PRRC2A: variants seen among roughly 807,000 people sequenced by gnomAD.
The protein encoded by PRRC2A is proline rich coiled-coil 2A.
In PRRC2A, 59 loss-of-function variants were observed where a neutral mutation model predicts 224.6. The observed-to-expected ratio is 0.26, with a 90% confidence interval of 0.21 to 0.33. The LOEUF (loss-of-function observed/expected upper bound fraction) is 0.33, where lower values mean the gene tolerates loss of function less well. Among genes scored for constraint, PRRC2A ranks in the 10% least tolerant of loss-of-function variants. The probability of loss-of-function intolerance (pLI) is 1.00; values close to 1 mark genes in which losing one functional copy is unlikely to be tolerated. For missense variants in PRRC2A, 3,095 were observed against 2,880.7 expected, an observed-to-expected ratio of 1.07 and a Z score of -1.70; for synonymous variants, 1,194 against 1,109.5, an observed-to-expected ratio of 1.08 and a Z score of -1.51.
chr6:31,620,924 T>C (rs1001254386), intron 1 of PRRC2A, 66 bp downstream of exon 1: 40 of 155,922 alleles, frequency 2.6e-4, no homozygotes, highest in Non-Finnish European at 2.8e-4. Flanking sequence ...GCGGTGGCGG[T>C]GGCGGCGGCG....
intron 3 of PRRC2A, 33 bp downstream of exon 3, chr6:31,623,942 G>C: frequency 6.2e-7 from 1 of 1,607,312 alleles, no homozygotes; most frequent in Non-Finnish European, 8.5e-7. Flanking sequence ...TAGAGTGATG[G>C]GTATTTTAAC....
Position 31,632,392 on chromosome 6 carries a change from C to G in PRRC2A, c.3719C>G (p.Pro1240Arg), listed in dbSNP as rs757739371. 6.2e-7 allele frequency: 1 copy of G among 1,610,640 alleles called. No homozygotes were observed. The highest frequency in any genetic ancestry group is 2.2e-5 in the East Asian group (1 of 44,810). ...GTGGGCATGGAAGATGGGGAGCGAC[C>G]CCGAAGGAGGCGACATGGGAGGGCT... is the stretch of plus-strand genomic sequence containing the variant. ...SNVGMEDGER[P>R]RRRRHGRAQQ... Residue 1240 changes from proline to arginine, a missense_variant, in exon 16 of 31, where the codon CCC (proline) becomes CGC (arginine). By Grantham distance (103) the Pro-to-Arg change is moderately radical (BLOSUM62 -2). Transcript: ENST00000376033.
chr6:31,623,675 G>A (rs1000514817), intron 2 of PRRC2A, 57 bp from the exon 3 acceptor site: 1 of 1,562,618 alleles, frequency 6.4e-7, no homozygotes, highest in Non-Finnish European at 8.8e-7. Context: ...CAGGATAGGA[G>A]GCCATCAGAT....
rs200830390 is a variant in PRRC2A, at chr6:31,637,011, G to A, written c.6148-31G>A. On this transcript the variant is annotated intron_variant, in intron 28 of 30. Coordinates refer to ENST00000376033, the MANE Select transcript of PRRC2A (RefSeq NM_004638.4). ...TGGGAGTAGGGATTCTGTATTTCAA[G>A]GTAGGCAGCTCATGATTTTTTTCCC... 1,034 of 1,596,300 alleles carry A rather than the reference G, an allele frequency of 6.5e-4. 1 individual carries two copies. The highest frequency in any genetic ancestry group is 2.9e-3 in the Admixed American group (167 of 58,292).
rs777254410 is a variant in PRRC2A, at chr6:31,632,204, C to A, written c.3531C>A (p.Pro1177=). The A allele has an allele frequency of 1.2e-6, 2 of 1,607,126 alleles. No homozygotes were observed. Among genetic ancestry groups the A allele is most frequent in the Non-Finnish European group, 1.7e-6 (2 of 1,177,646 alleles). The change falls in exon 16 of 31, where the codon CCC becomes CCA. Residue 1177 remains proline (P), a synonymous_variant. Transcript: ENST00000376033. ...GCCGGGGCCGAGGAGGAGGGAGGCC[C>A]CCTCCTCAAGTTTGCCCAGGCTGGA... is the stretch of plus-strand genomic sequence containing the variant. ...PSRRGRGGGR[P]PPQVCPGWSP...
At chr6:31,633,120 A>G in intron 16 of PRRC2A, 128 bp downstream of exon 16, 1 of 1,306,806 alleles carries the variant, frequency 7.7e-7, no homozygotes, top group Non-Finnish European at 1.0e-6. Flanking sequence ...GAATGTCAGT[A>G]GGATTTCCAT....
Position 31,628,046 on chromosome 6 carries a change from C to T in PRRC2A, c.1572C>T (p.Val524=), listed in dbSNP as rs750006540. ...APSTPAPPPA[V]PKELPAPPAP... is the part of the protein sequence containing the mutation. The stretch of plus-strand genomic sequence containing the variant: ...CTACCCCAGCTCCACCACCTGCAGT[C>T]CCTAAAGAACTCCCTGCACCTCCAG... The change falls in exon 12 of 31, where the codon GTC becomes GTT. Residue 524 remains valine, a synonymous_variant. Transcript: ENST00000376033. The T allele has an allele frequency of 6.2e-7, 1 of 1,612,810 alleles. No homozygotes were observed. The highest frequency in any genetic ancestry group is 8.5e-7 in the Non-Finnish European group (1 of 1,179,834).
chr6:31,628,522 G>A, intron 12 of PRRC2A: 1 of 506,040 alleles, frequency 2.0e-6, no homozygotes, highest in Non-Finnish European at 3.3e-6. Flanking sequence ...TGAGCCTAGG[G>A]AGTTTGAGAC....
intron 16 of PRRC2A, 45 bp downstream of exon 16, chr6:31,633,037 A>AG (rs1243687642): frequency 5.5e-6 from 8 of 1,457,272 alleles, no homozygotes; most frequent in East Asian, 5.0e-5. Flanking sequence ...AAATTGGAGG[A>AG]GGGGGAAAAA....
At chr6:31,634,032 C>T (rs144926621) in intron 18 of PRRC2A, 43 bp downstream of exon 18, 230 of 1,589,100 alleles carry the variant, frequency 1.4e-4, no homozygotes, top group African/African-American at 8.1e-4. Flanking sequence ...CACTCTTACT[C>T]GTGAAAATTC....
intron 14 of PRRC2A, among the ~76,000 whole-genome samples, chr6:31,630,202 A>AG (rs1346583642): frequency 6.6e-6 from 1 of 152,232 alleles, no homozygotes; most frequent in Non-Finnish European, 1.5e-5. Context: ...CTGTAGTCCC[A>AG]GCTACTCGGG....
chr6:31,628,264 C>A (rs760572627), intron 12 of PRRC2A, 25 bp downstream of exon 12: 7 of 1,589,384 alleles, frequency 4.4e-6, no homozygotes, highest in Non-Finnish European at 5.1e-6. Flanking sequence ...ATAGGTACTA[C>A]CAGATGTCAG....
rs1775880548 is a variant in PRRC2A at position 31,626,087 on chromosome 6, C to T, written c.907C>T (p.Arg303Cys). Residue 303 changes from arginine to cysteine, a missense_variant, in exon 9 of 31, where the codon CGT (arginine) becomes TGT (cysteine). Coordinates refer to ENST00000376033, the MANE Select transcript of PRRC2A (RefSeq NM_004638.4). ...PPMRLVEPVG[R>C]PSILKEDNLK... ...AATGCGCTTAGTAGAGCCTGTGGGT[C>T]GTCCCTCTATTCTCAAAGAGGATAA... The T allele has an allele frequency of 2.5e-6, 4 of 1,612,836 alleles. No individual in the cohort carries two copies. Among genetic ancestry groups the T allele is most frequent in the South Asian group, 2.2e-5 (2 of 91,078 alleles).
At chr6:31,621,410 C>T (rs955480317) in intron 1 of PRRC2A, among the ~76,000 whole-genome samples, 2 of 152,064 alleles carry the variant, frequency 1.3e-5, no homozygotes, top group African/African-American at 4.8e-5. Context: ...TTTCATTTTT[C>T]CTGTTCCTCG....
chr6:31,627,268 G>A lies in PRRC2A; in HGVS notation c.1290+70G>A, dbSNP rs908140998. On this transcript the variant is annotated intron_variant, in intron 11 of 30. Transcript: ENST00000376033. The surrounding 1 kb of genome is among the most constrained non-coding windows in gnomAD (Gnocchi z 5.6). ...TTGGTGTCAGCTGAGTAATTGAAGC[G>A]GTTGTGATATAGAGGAAGGGGGGTG... 1.0e-5 allele frequency: 12 copies of A among 1,168,578 alleles called. No homozygotes were observed. Among genetic ancestry groups the A allele is most frequent in the East Asian group, 2.5e-5 (1 of 39,920 alleles). The allele number at this position is 1,168,578 out of a possible 1,614,324, so 72.4% of individuals were successfully genotyped here.
Position 31,625,073 on chromosome 6 carries a change from C to T in PRRC2A, c.464-98C>T, listed in dbSNP as rs1328973062. The stretch of plus-strand genomic sequence containing the variant: ...TCAGCCTCCCAGAGTGCTGGGATTA[C>T]AGGCGTGAGCCACCGCGCCCAGCCA... On this transcript the variant is annotated intron_variant, in intron 5 of 30. Coordinates refer to ENST00000376033, the MANE Select transcript of PRRC2A (RefSeq NM_004638.4). The surrounding 1 kb of genome is among the most constrained non-coding windows in gnomAD (Gnocchi z 4.1). The T allele has an allele frequency of 5.1e-6, 7 of 1,384,040 alleles. No individual in the cohort carries two copies. Among genetic ancestry groups the T allele is most frequent in the East Asian group, 2.3e-5 (1 of 43,398 alleles). 85.7% of individuals were successfully genotyped at this position (1,384,040 alleles called of 1,614,324 possible). A position where few individuals can be genotyped will look rare whatever the true frequency, so the allele number is the denominator to read the frequency against.
In PRRC2A at chr6:31,631,615, C is replaced by T; in HGVS notation, c.2942C>T (p.Pro981Leu). The T allele has an allele frequency of 6.5e-7, 1 of 1,531,418 alleles. No homozygotes were observed. Among genetic ancestry groups the T allele is most frequent in the Non-Finnish European group, 8.7e-7 (1 of 1,143,572 alleles). The allele number at this position is 1,531,418 out of a possible 1,614,324, so 94.9% of individuals were successfully genotyped here. ...GATGAAACCCCCAAACCCCCAAAGC[C>T]AGACCCACTCAAGATAACCAAGGGG... ...QGDETPKPPK[P>L]DPLKITKGKL... Residue 981 changes from proline to leucine, a missense_variant, in exon 16 of 31, where the codon CCA becomes CTA. Pro to Leu is a moderately conservative substitution (Grantham distance 98). Coordinates refer to ENST00000376033, the MANE Select transcript of PRRC2A (RefSeq NM_004638.4). This position sits in a 1 kb window ranked among gnomAD's most constrained non-coding sequence, Gnocchi z 4.5.
rs755229063 is a variant in PRRC2A, at chr6:31,632,483, G to A, written c.3810G>A (p.Gly1270=). The change falls in exon 16 of 31, where the codon GGG becomes GGA. Residue 1270 remains glycine (G), a synonymous_variant. Coordinates refer to ENST00000376033, the MANE Select transcript of PRRC2A (RefSeq NM_004638.4). ...AGGAACGGGAGAATGCCGCAAGGGG[G>A]TCTGAGGGCAAGCCCTCCCTAACCC... ...LKQERENAAR[G]SEGKPSLTLP... 5 of 1,607,256 alleles carry A rather than the reference G, an allele frequency of 3.1e-6. No individual in the cohort carries two copies. The highest frequency in any genetic ancestry group is 3.3e-4 in the Middle Eastern group (2 of 6,056).
At position 31,627,214 on chromosome 6, in the gene PRRC2A, A is replaced by C; in HGVS notation, c.1290+16A>C. The C allele has an allele frequency of 9.8e-6, 15 of 1,531,670 alleles. No homozygotes were observed. Among genetic ancestry groups the C allele is most frequent in the African/African-American group, 1.4e-5 (1 of 72,960 alleles). The allele number at this position is 1,531,670 out of a possible 1,614,324, so 94.9% of individuals were successfully genotyped here. A position where few individuals can be genotyped will look rare whatever the true frequency, so the allele number is the denominator to read the frequency against. On this transcript the variant is annotated intron_variant, in intron 11 of 30. Transcript: ENST00000376033. The surrounding 1 kb of genome is among the most constrained non-coding windows in gnomAD (Gnocchi z 5.6). ...GGACTACCCAGTGAGTGTCTCCAAT[A>C]AGGGATTGAGAGGGTCAGCTGTGGG...
Sources: allele counts gnomAD v4.1 joint callset (sites outside exome capture counted in the v4.1 genomes callset), GRCh38; gene constraint gnomAD v4.1.1; non-coding constraint Gnocchi (gnomAD v3.1); transcripts MANE v1.5; gene names NCBI Gene and HGNC (gene_info 2026-07-23, HGNC 2026-07-21).